Variants in CARS2 observed in about 807,000 individuals in gnomAD.
The protein encoded by CARS2 is probable cysteine--tRNA ligase, mitochondrial.
Under a neutral mutation model 68.8 loss-of-function variants are expected in CARS2, and 52 were observed. That is an observed-to-expected ratio of 0.76 (90% confidence interval 0.61 to 0.95). CARS2 has a LOEUF of 0.95. Among genes scored for constraint, CARS2 ranks in the 40% least tolerant of loss-of-function variants. CARS2 has a pLI of 0.00. For synonymous variants in CARS2, 314 were observed against 303.6 expected (o/e 1.03, Z -0.36); for missense variants, 780 against 754.2 (o/e 1.03, Z -0.40).
chr13:110,694,274 C>G (rs868194273), intron 3 of CARS2, among the ~76,000 whole-genome samples: 2 of 151,694 alleles, frequency 1.3e-5, no homozygotes, highest in Admixed American at 6.6e-5. Context: ...GATCCTCCCA[C>G]CTCGGCCTCC....
At chr13:110,652,316 G>C (rs767394770) in intron 9 of CARS2, among the ~76,000 whole-genome samples, 2 of 152,270 alleles carry the variant, frequency 1.3e-5, no homozygotes, top group African/African-American at 2.4e-5. Context: ...CTGCCAGGGA[G>C]AGTGAGCCGG....
At chr13:110,692,247 A>T (rs967447508) in intron 3 of CARS2, among the ~76,000 whole-genome samples, 5 of 151,662 alleles carry the variant, frequency 3.3e-5, no homozygotes, top group African/African-American at 1.2e-4. Flanking sequence ...AGGTGGGTGG[A>T]TCACCTGAGG....
intron 7 of CARS2, among the ~76,000 whole-genome samples, chr13:110,672,881 G>C (rs2062838786): frequency 6.6e-6 from 1 of 152,062 alleles, no homozygotes; most frequent in Non-Finnish European, 1.5e-5. Flanking sequence ...TGATAAAGGG[G>C]ATATCACCAC....
chr13:110,674,159 C>T (rs1329094764), intron 7 of CARS2, among the ~76,000 whole-genome samples: 1 of 152,102 alleles, frequency 6.6e-6, no homozygotes, highest in African/African-American at 2.4e-5. Context: ...AGATTCAATG[C>T]CATCCCTATC....
intron 3 of CARS2, among the ~76,000 whole-genome samples, chr13:110,692,545 A>G (rs1594390095): frequency 6.9e-6 from 1 of 145,278 alleles, no homozygotes; most frequent in Admixed American, 7.1e-5. Context: ...TCTTTTATAG[A>G]CTTTTCCTAT....
chr13:110,667,428 A>T lies in CARS2; in HGVS notation c.831T>A (p.Asp277Glu). 1 of 1,614,022 alleles carries T rather than the reference A, an allele frequency of 6.2e-7. No homozygotes were observed. The highest frequency in any genetic ancestry group is 1.1e-5 in the South Asian group (1 of 91,070). ...SQLDIHSGGI[D>E]LAFPHHENEI... ...CGTTTTCATGATGTGGAAAAGCTAA[A>T]TCTATCCCACCTGAATGGATATCCA... The change falls in exon 8 of 15, where the codon GAT (aspartate) becomes GAA (glutamate). Residue 277 changes from aspartate to glutamate, a missense_variant. Physicochemically the swap from Asp to Glu is conservative, Grantham distance 45. Coordinates refer to ENST00000257347, the MANE Select transcript of CARS2 (RefSeq NM_024537.4).
intron 3 of CARS2, among the ~76,000 whole-genome samples, chr13:110,699,750 G>T (rs1394119167): frequency 2.0e-5 from 3 of 152,234 alleles, no homozygotes; most frequent in Non-Finnish European, 4.4e-5. Context: ...GGCTTCTTTA[G>T]GAAAAGTCTT....
upstream of CARS2, chr13:110,707,671 G>A (rs773281627): frequency 6.6e-6 from 1 of 151,484 alleles, no homozygotes; most frequent in Non-Finnish European, 1.5e-5. Context: ...TGCCTCTATT[G>A]GTGTCTTGCA....
intron 9 of CARS2, among the ~76,000 whole-genome samples, chr13:110,656,085 C>G (rs368725635): frequency 6.6e-6 from 1 of 152,086 alleles, no homozygotes; most frequent in Non-Finnish European, 1.5e-5. Context: ...GCAGGTGGAC[C>G]TGAGGTTAGG....
At chr13:110,683,755 G>A (rs766082086) in intron 5 of CARS2, among the ~76,000 whole-genome samples, 3 of 152,150 alleles carry the variant, frequency 2.0e-5, no homozygotes, top group Non-Finnish European at 4.4e-5. Flanking sequence ...AGTGGCTCAC[G>A]CCTCCAATCC....
At chr13:110,643,130 T>C (rs77298602) in intron 13 of CARS2, 3,988 of 227,074 alleles carry the variant, frequency 0.018, 59 homozygotes, top group Non-Finnish European at 0.026. Context: ...CCCTCAGTTA[T>C]TGCTTCCATG....
In CARS2 at chr13:110,705,768, T is replaced by A; in HGVS notation, c.224+102A>T. 3 of 1,532,156 alleles carry A rather than the reference T, an allele frequency of 2.0e-6. No individual in the cohort carries two copies. Among genetic ancestry groups the A allele is most frequent in the Non-Finnish European group, 2.6e-6 (3 of 1,143,118 alleles). 94.9% of individuals were successfully genotyped at this position (1,532,156 alleles called of 1,614,324 possible). Reference sequence around the variant, plus strand: ...CCAGCTTCTAGAACGGCGCCCTCCATGCAGCTTCCTAAACGCCCTCCCCGA... The same window carrying A: ...CCAGCTTCTAGAACGGCGCCCTCCAAGCAGCTTCCTAAACGCCCTCCCCGA... On this transcript the variant is annotated intron_variant, in intron 1 of 14. Coordinates refer to ENST00000257347, the MANE Select transcript of CARS2 (RefSeq NM_024537.4). The surrounding 1 kb of genome is among the most constrained non-coding windows in gnomAD (Gnocchi z 4.0).
chr13:110,698,746 G>A (rs1391781536), intron 3 of CARS2, among the ~76,000 whole-genome samples: 1 of 152,078 alleles, frequency 6.6e-6, no homozygotes, highest in Non-Finnish European at 1.5e-5. Flanking sequence ...GCTCACACCT[G>A]TAATCCTAGC....
At chr13:110,703,211 C>T (rs2063842052) in intron 2 of CARS2, among the ~76,000 whole-genome samples, 1 of 152,230 alleles carries the variant, frequency 6.6e-6, no homozygotes, top group African/African-American at 2.4e-5. Context: ...CTACCCATTG[C>T]TCAAATTCTA....
chr13:110,712,709 G>A (rs929965648), intron 1 of CARS2: 2 of 690,984 alleles, frequency 2.9e-6, no homozygotes, highest in Non-Finnish European at 5.3e-6. Context: ...GCATACTGTG[G>A]GCGGCCTTTC....
intron 6 of CARS2, among the ~76,000 whole-genome samples, chr13:110,682,400 C>T (rs1419296578): frequency 6.6e-6 from 1 of 152,124 alleles, no homozygotes; most frequent in Non-Finnish European, 1.5e-5. Context: ...AAGGAAAGAA[C>T]CTGAGGGGTC....
chr13:110,642,136 G>A (rs1171429066), intron 14 of CARS2, among the ~76,000 whole-genome samples, 179 bp downstream of exon 14: 1 of 152,246 alleles, frequency 6.6e-6, no homozygotes, highest in African/African-American at 2.4e-5. Context: ...GGGAGGCAGA[G>A]GCAGAGGTTG....
At chr13:110,707,609 T>C (rs1342965702), upstream of CARS2, 1 of 150,306 alleles carries the variant, frequency 6.7e-6, no homozygotes, top group Non-Finnish European at 1.5e-5. Context: ...GTCACACCAC[T>C]GCACTGCAGC....
intron 6 of CARS2, among the ~76,000 whole-genome samples, chr13:110,677,685 T>C (rs1263987618): frequency 1.3e-4 from 4 of 30,748 alleles, no homozygotes; most frequent in African/African-American, 3.2e-4. Context: ...CCACAGAAAC[T>C]CAGACAGCCA....
Sources: gnomAD v4.1 joint callset for allele counts (sites outside exome capture counted in the v4.1 genomes callset) on GRCh38, gnomAD v4.1.1 for gene constraint, Gnocchi (gnomAD v3.1) non-coding constraint, MANE v1.5 for transcripts, NCBI Gene and HGNC (gene_info 2026-07-23, HGNC 2026-07-21) for gene names.